TRPC5: variants seen among roughly 807,000 people sequenced by gnomAD.
TRPC5 encodes short transient receptor potential channel 5.
Under a neutral mutation model 56.5 loss-of-function variants are expected in TRPC5, and 9 were observed. The observed-to-expected ratio is 0.16, with a 90% CI of 0.10 to 0.28. The LOEUF (loss-of-function observed/expected upper bound fraction) is 0.28, where lower values mean the gene tolerates loss of function less well. Among genes scored for constraint, TRPC5 ranks in the 10% least tolerant of loss-of-function variants. The pLI, the probability that TRPC5 is intolerant of heterozygous loss-of-function variation, is 1.00. For synonymous variants in TRPC5, 282 were observed against 278.5 expected, an observed-to-expected ratio of 1.01 and a Z score of -0.13; for missense variants, 469 against 748.9, an observed-to-expected ratio of 0.63 and a Z score of 4.36.
intron 2 of TRPC5, among the ~76,000 whole-genome samples, chrX:111,914,572 G>A (rs1426416553): frequency 8.9e-6 from 1 of 111,928 alleles, no homozygotes; most frequent in Admixed American, 9.5e-5. Context: ...TTCACTGAGT[G>A]CTTGCATCAG....
At chrX:111,800,574 G>C (rs1769193912) in intron 7 of TRPC5, among the ~76,000 whole-genome samples, 1 of 110,655 alleles carries the variant, frequency 9.0e-6, no homozygotes, top group Admixed American at 9.6e-5. Flanking sequence ...AGACCAGCCT[G>C]GCCAACATGG....
intron 1 of TRPC5, among the ~76,000 whole-genome samples, chrX:112,036,369 A>G (rs1929741647): frequency 8.9e-6 from 1 of 112,076 alleles, no homozygotes; most frequent in Admixed American, 9.5e-5. Flanking sequence ...TGAAATGAAG[A>G]TGAGTGCCTT....
chrX:111,814,085 A>G (rs1015632461), intron 7 of TRPC5, among the ~76,000 whole-genome samples: 1 of 112,405 alleles, frequency 8.9e-6, no homozygotes, highest in South Asian at 3.6e-4. Context: ...TAAAAATGTA[A>G]TTTTAAAAAT....
chrX:112,023,028 G>A (rs924585001), intron 1 of TRPC5, among the ~76,000 whole-genome samples: 2 of 109,542 alleles, frequency 1.8e-5, no homozygotes, highest in African/African-American at 3.3e-5. Context: ...TCTACTTCCC[G>A]GGTTCACGCC....
At chrX:111,782,806 AACACACACACACACAC>A (rs1186498788) in intron 7 of TRPC5, among the ~76,000 whole-genome samples, 2 of 92,124 alleles carry the variant, frequency 2.2e-5, no homozygotes, top group East Asian at 3.5e-4. Context: ...CATTATAATC[AACACACACACACACAC>A]ACACACACAC....
At chrX:111,987,274 T>C (rs1928235511) in intron 1 of TRPC5, among the ~76,000 whole-genome samples, 1 of 111,954 alleles carries the variant, frequency 8.9e-6, no homozygotes, top group African/African-American at 3.2e-5. Context: ...GTATACATAG[T>C]GAGGCAATTG....
At chrX:111,843,685 C>T (rs1424147440) in intron 6 of TRPC5, among the ~76,000 whole-genome samples, 10 of 111,104 alleles carry the variant, frequency 9.0e-5, no homozygotes, top group African/African-American at 3.3e-4. Flanking sequence ...GGAGAAGATT[C>T]AGATATTCTG....
chrX:111,819,079 C>G (rs759625719), intron 7 of TRPC5, among the ~76,000 whole-genome samples: 1 of 111,444 alleles, frequency 9.0e-6, no homozygotes, highest in Admixed American at 9.5e-5. Context: ...CGCTAGATGC[C>G]AAGTTCTTAA....
rs1329040887 is a variant in TRPC5, at chrX:111,769,174, T to C, written c.*7139A>G. Among the ~76,000 whole-genome samples, 1 of 111,621 alleles carries C rather than the reference T, an allele frequency of 9.0e-6. No individual in the cohort carries two copies. Among genetic ancestry groups the C allele is most frequent in the Non-Finnish European group, 1.9e-5 (1 of 53,056 alleles). On this transcript the variant is annotated 3_prime_UTR_variant, in exon 11 of 11. Transcript: ENST00000262839. ...TGTTCTCTATGGAGGTTAGTGGTTT[T>C]TCTTTACTGTCCCTCTCCCTGATAA...
chrX:111,896,652 G>C (rs138165999), intron 3 of TRPC5, among the ~76,000 whole-genome samples: 140 of 111,497 alleles, frequency 1.3e-3, no homozygotes, highest in Non-Finnish European at 1.9e-3. Context: ...AGTTTCTAGG[G>C]ATAGCAAATG....
intron 7 of TRPC5, among the ~76,000 whole-genome samples, chrX:111,813,899 A>C (rs1448349739): frequency 8.9e-6 from 1 of 111,979 alleles, no homozygotes; most frequent in African/African-American, 3.2e-5. Context: ...GAGAGGGTTC[A>C]TTTTCCCTGA....
chrX:111,787,180 A>G (rs1945973658), intron 7 of TRPC5, among the ~76,000 whole-genome samples: 1 of 112,093 alleles, frequency 8.9e-6, no homozygotes, highest in African/African-American at 3.2e-5. Flanking sequence ...AGCAAATGTA[A>G]AAGAACAGAA....
chrX:111,924,169 G>T (rs1478614095), intron 2 of TRPC5, among the ~76,000 whole-genome samples: 1 of 110,548 alleles, frequency 9.0e-6, no homozygotes, highest in Non-Finnish European at 1.9e-5. Context: ...GGAGGGCCAG[G>T]GTAACCAGAT....
chrX:111,970,566 T>G (rs1927751654), intron 1 of TRPC5, among the ~76,000 whole-genome samples: 1 of 111,544 alleles, frequency 9.0e-6, no homozygotes, highest in Non-Finnish European at 1.9e-5. Context: ...TGCCCCCACA[T>G]AAAACATTAA....
intron 7 of TRPC5, among the ~76,000 whole-genome samples, chrX:111,791,761 A>G (rs1477744691): frequency 2.7e-5 from 3 of 112,390 alleles, no homozygotes; most frequent in African/African-American, 6.5e-5. Flanking sequence ...CTCATAAGCA[A>G]TGGAACAGCC....
chrX:111,905,427 G>A (rs1925557907), intron 3 of TRPC5, among the ~76,000 whole-genome samples: 1 of 111,928 alleles, frequency 8.9e-6, no homozygotes, highest in Admixed American at 9.5e-5. Flanking sequence ...AGTTCCTGAA[G>A]TTAGTTATTT....
intron 9 of TRPC5, 70 bp from the exon 10 acceptor site, chrX:111,779,144 T>C: frequency 2.6e-6 from 2 of 777,045 alleles, no homozygotes; most frequent in Admixed American, 3.1e-5. Context: ...GAAACTTACA[T>C]AGGAAATAAA....
rs1221693989 is a variant in TRPC5, at chrX:111,952,451, G to A, written c.-21-10C>T. The A allele has an allele frequency of 4.3e-6, 5 of 1,170,208 alleles. No individual in the cohort carries two copies. The Admixed American group carries it at 9.8e-5, about 23-fold the overall frequency. ...ATAGCAATGCAGAAATCTGAGTGAG[G>A]AAACAGAGAAAGACCAAAATATCCT... is the stretch of plus-strand genomic sequence containing the variant. On this transcript the variant is annotated splice_polypyrimidine_tract_variant and intron_variant, in intron 1 of 10. Transcript: ENST00000262839.
At chrX:111,779,817 A>C (rs767337270) in intron 9 of TRPC5, among the ~76,000 whole-genome samples, 3 of 111,989 alleles carry the variant, frequency 2.7e-5, no homozygotes, top group Non-Finnish European at 5.6e-5. Flanking sequence ...CTTTGATTCT[A>C]CTTCAGTCTG....
Sources: allele counts gnomAD v4.1 joint callset (sites outside exome capture counted in the v4.1 genomes callset), GRCh38; gene constraint gnomAD v4.1.1; transcripts MANE v1.5; gene names NCBI Gene and HGNC (gene_info 2026-07-23, HGNC 2026-07-21).